COL25A1: variants seen among roughly 807,000 people sequenced by gnomAD.
COL25A1 encodes collagen alpha-1(XXV) chain.
A neutral mutation model predicts 128.4 loss-of-function variants in COL25A1; 103 were observed. The observed-to-expected ratio is 0.80, with a 90% CI of 0.68 to 0.94. COL25A1 has a LOEUF of 0.94. Among genes scored for constraint, COL25A1 ranks in the 40% least tolerant of loss-of-function variants. COL25A1 has a pLI of 0.00. For missense variants in COL25A1, 745 were observed against 840.0 expected, an observed-to-expected ratio of 0.89 and a Z score of 1.40; for synonymous variants, 279 against 277.2, an observed-to-expected ratio of 1.01 and a Z score of -0.06.
At chr4:109,140,520 G>A (rs930848784) in intron 3 of COL25A1, among the ~76,000 whole-genome samples, 3 of 151,968 alleles carry the variant, frequency 2.0e-5, no homozygotes, top group East Asian at 1.9e-4. Flanking sequence ...AAATCACTTT[G>A]GGCAGTATGG....
chr4:109,205,438 T>C (rs1268502692), intron 3 of COL25A1, among the ~76,000 whole-genome samples: 7 of 152,116 alleles, frequency 4.6e-5, no homozygotes, highest in Admixed American at 3.9e-4. Context: ...TGGACAGACA[T>C]TGACATATAG....
At chr4:108,868,423 C>T (rs769247555) in intron 20 of COL25A1, among the ~76,000 whole-genome samples, 14 of 150,948 alleles carry the variant, frequency 9.3e-5, no homozygotes, top group Non-Finnish European at 1.9e-4. Context: ...AGTTGTCCCA[C>T]ATTTCTTTCA....
chr4:109,292,932 TG>T (rs944546830), intron 3 of COL25A1, among the ~76,000 whole-genome samples: 2 of 152,112 alleles, frequency 1.3e-5, no homozygotes, highest in African/African-American at 4.8e-5. Context: ...CCAGCATTTC[TG>T]GCATGACTTT....
chr4:108,966,861 A>G (rs1359139522), intron 8 of COL25A1, among the ~76,000 whole-genome samples: 1 of 151,386 alleles, frequency 6.6e-6, no homozygotes, highest in Non-Finnish European at 1.5e-5. Context: ...AAAAGAAAAG[A>G]AAGAAAAGAA....
chr4:108,889,857 C>A, intron 16 of COL25A1, 124 bp from the exon 17 acceptor site: 1 of 732,136 alleles, frequency 1.4e-6, no homozygotes. Flanking sequence ...TGCCTAACTA[C>A]GTTCCAGAAG....
chr4:109,265,469 G>C (rs1280918655), intron 3 of COL25A1, among the ~76,000 whole-genome samples: 2 of 150,990 alleles, frequency 1.3e-5, no homozygotes, highest in Non-Finnish European at 2.9e-5. Flanking sequence ...TTATAATTGA[G>C]GCAATAAATA....
chr4:109,268,602 A>C (rs973049019), intron 3 of COL25A1, among the ~76,000 whole-genome samples: 1 of 152,230 alleles, frequency 6.6e-6, no homozygotes, highest in African/African-American at 2.4e-5. Context: ...TATAGAGCCA[A>C]AGACACGTGC....
At chr4:109,143,744 T>G (rs963789003) in intron 3 of COL25A1, among the ~76,000 whole-genome samples, 1 of 152,216 alleles carries the variant, frequency 6.6e-6, no homozygotes, top group Non-Finnish European at 1.5e-5. Context: ...TGCTGTGTTT[T>G]TCAGCTCTAT....
chr4:109,294,926 C>G (rs986203763), intron 3 of COL25A1, among the ~76,000 whole-genome samples: 2 of 152,022 alleles, frequency 1.3e-5, no homozygotes, highest in Non-Finnish European at 2.9e-5. Flanking sequence ...GAGGATGCCC[C>G]TTCTCCATCC....
At chr4:108,937,687 T>C (rs1474583936) in intron 11 of COL25A1, 121 bp downstream of exon 11, 6 of 748,288 alleles carry the variant, frequency 8.0e-6, no homozygotes, top group Non-Finnish European at 1.3e-5. Context: ...TTTTAACTTT[T>C]ACTAATTTTC....
intron 10 of COL25A1, among the ~76,000 whole-genome samples, chr4:108,940,160 C>T (rs2125926870): frequency 6.6e-6 from 1 of 152,182 alleles, no homozygotes; most frequent in Admixed American, 6.5e-5. Context: ...GACTAATCTC[C>T]CATTTAAACC....
intron 31 of COL25A1, among the ~76,000 whole-genome samples, chr4:108,838,719 A>G (rs1374733785): frequency 1.3e-5 from 2 of 152,226 alleles, no homozygotes; most frequent in African/African-American, 4.8e-5. Flanking sequence ...AGATCCCTAC[A>G]TGGACTAATC....
intron 3 of COL25A1, among the ~76,000 whole-genome samples, chr4:109,079,657 T>C (rs1233443705): frequency 2.6e-5 from 4 of 151,952 alleles, no homozygotes; most frequent in South Asian, 2.1e-4. Flanking sequence ...GCTGAGAAAA[T>C]TGAATCTCTT....
intron 3 of COL25A1, among the ~76,000 whole-genome samples, chr4:109,247,390 G>A (rs1314899053): frequency 1.3e-5 from 2 of 152,048 alleles, no homozygotes; most frequent in African/African-American, 4.8e-5. Context: ...GTGGAAATGA[G>A]CCCATCGTGG....
intron 5 of COL25A1, among the ~76,000 whole-genome samples, chr4:109,017,810 G>A (rs1176017674): frequency 1.3e-5 from 2 of 152,000 alleles, no homozygotes; most frequent in South Asian, 2.1e-4. Flanking sequence ...ACTCTAAAAG[G>A]TACTACCTCT....
chr4:108,909,480 A>G (rs1335732379), intron 13 of COL25A1, among the ~76,000 whole-genome samples: 1 of 152,216 alleles, frequency 6.6e-6, no homozygotes, highest in Non-Finnish European at 1.5e-5. Flanking sequence ...ACACATGTCT[A>G]AAAATGATAA....
At chr4:109,186,972 C>T (rs962734661) in intron 3 of COL25A1, among the ~76,000 whole-genome samples, 1 of 152,056 alleles carries the variant, frequency 6.6e-6, no homozygotes, top group African/African-American at 2.4e-5. Context: ...AAATAAATAA[C>T]GAGCTAATGT....
intron 3 of COL25A1, among the ~76,000 whole-genome samples, chr4:109,268,455 T>G (rs1476335158): frequency 1.3e-5 from 2 of 152,164 alleles, no homozygotes; most frequent in Non-Finnish European, 2.9e-5. Context: ...ACACACAAGT[T>G]ATCAGTTACT....
chr4:109,300,362 T>A (rs1725394290), intron 3 of COL25A1, among the ~76,000 whole-genome samples: 1 of 152,214 alleles, frequency 6.6e-6, no homozygotes. Flanking sequence ...CTTTGGTGAT[T>A]ATATCCTTTG....
Sources: gnomAD v4.1 joint callset for allele counts (sites outside exome capture counted in the v4.1 genomes callset) on GRCh38, gnomAD v4.1.1 for gene constraint, MANE v1.5 for transcripts, NCBI Gene and HGNC (gene_info 2026-07-23, HGNC 2026-07-21) for gene names.